NRXN1: variants seen among roughly 807,000 people sequenced by gnomAD.
NRXN1 encodes the protein neurexin 1.
Under a neutral mutation model 150.9 loss-of-function variants are expected in NRXN1, and 39 were observed. That is an observed-to-expected ratio of 0.26 (90% CI 0.20 to 0.34). The LOEUF (loss-of-function observed/expected upper bound fraction) is 0.34. Ranked by LOEUF, NRXN1 falls within the 10% of genes least tolerant of loss-of-function variation. The pLI is 1.00. For missense variants in NRXN1, 1,815 were observed against 1,949.9 expected (o/e 0.93, Z 1.30); for synonymous variants, 924 against 757.0 (o/e 1.22, Z -3.62).
At chr2:50,865,036 A>G (rs1676685166) in intron 5 of NRXN1, among the ~76,000 whole-genome samples, 2 of 151,846 alleles carry the variant, frequency 1.3e-5, no homozygotes, top group African/African-American at 4.8e-5. Context: ...TTAAGAATGT[A>G]TAAGAGGAAA....
At chr2:50,590,545 G>A (rs1673994929) in intron 8 of NRXN1, among the ~76,000 whole-genome samples, 1 of 152,066 alleles carries the variant, frequency 6.6e-6, no homozygotes, top group Non-Finnish European at 1.5e-5. Flanking sequence ...GACCTAATAT[G>A]TGTGCCCCCT....
At chr2:50,560,812 C>T (rs1274506822) in intron 8 of NRXN1, among the ~76,000 whole-genome samples, 1 of 151,946 alleles carries the variant, frequency 6.6e-6, no homozygotes, top group Non-Finnish European at 1.5e-5. Context: ...ATCTTTTTTT[C>T]CCCTGATCTA....
At position 50,493,190 on chromosome 2, in the gene NRXN1, A is replaced by G. The variant is rs575644366; in HGVS notation, c.3070+2715T>C. On this transcript the variant is annotated intron_variant, in intron 15 of 22. Transcript: ENST00000401669. ...CATTTTTCCTGCAGCTCAGTGCTAC[A>G]TGATTAGTATGCAAAGAAAATACTG... Among the ~76,000 whole-genome samples, 3 of 152,336 alleles carry G rather than the reference A, an allele frequency of 2.0e-5. No homozygotes were observed. In the South Asian group the frequency reaches 6.2e-4, roughly 32 times the overall value.
At chr2:50,972,875 C>A (rs1695235216) in intron 2 of NRXN1, among the ~76,000 whole-genome samples, 1 of 152,136 alleles carries the variant, frequency 6.6e-6, no homozygotes, top group Admixed American at 6.6e-5. Context: ...GACTTACAGG[C>A]AAGACTTGAT....
chr2:49,929,516 T>C (rs914980545), intron 22 of NRXN1, among the ~76,000 whole-genome samples: 4 of 152,144 alleles, frequency 2.6e-5, no homozygotes, highest in Non-Finnish European at 5.9e-5. Flanking sequence ...CCCATGGCCA[T>C]TCATAGTCTG....
chr2:50,815,361 T>C (rs1386038766), intron 5 of NRXN1, among the ~76,000 whole-genome samples: 1 of 152,132 alleles, frequency 6.6e-6, no homozygotes, highest in Non-Finnish European at 1.5e-5. Flanking sequence ...TTTAAACTTA[T>C]TATTTGATCA....
At chr2:50,142,408 G>A (rs867198830) in intron 18 of NRXN1, among the ~76,000 whole-genome samples, 24 of 151,768 alleles carry the variant, frequency 1.6e-4, no homozygotes, top group African/African-American at 5.1e-4. Flanking sequence ...ACAGTAGGGT[G>A]ACTATAGTTA....
chr2:50,223,651 A>G (rs1389398467), intron 18 of NRXN1, among the ~76,000 whole-genome samples: 1 of 151,964 alleles, frequency 6.6e-6, no homozygotes, highest in Non-Finnish European at 1.5e-5. Flanking sequence ...AGTAATGAAC[A>G]GATGACATAC....
chr2:50,073,028 T>C (rs1387628241), intron 19 of NRXN1, among the ~76,000 whole-genome samples: 1 of 152,238 alleles, frequency 6.6e-6, no homozygotes, highest in Non-Finnish European at 1.5e-5. Context: ...ACTTTGTCTA[T>C]GCCTTTGTCT....
At chr2:50,802,244 C>A (rs763090466) in intron 5 of NRXN1, among the ~76,000 whole-genome samples, 3 of 152,036 alleles carry the variant, frequency 2.0e-5, no homozygotes, top group Non-Finnish European at 2.9e-5. Context: ...GCAATCCCAG[C>A]ACTTTGGGAG....
At chr2:50,232,851 C>A (rs1032608738) in intron 18 of NRXN1, among the ~76,000 whole-genome samples, 1 of 151,982 alleles carries the variant, frequency 6.6e-6, no homozygotes, top group Non-Finnish European at 1.5e-5. Flanking sequence ...AAACATTCAT[C>A]CAACTAAAAT....
intron 5 of NRXN1, among the ~76,000 whole-genome samples, chr2:50,637,228 C>G (rs1221812493): frequency 6.6e-6 from 1 of 152,054 alleles, no homozygotes; most frequent in Admixed American, 6.6e-5. Flanking sequence ...TAATTATATA[C>G]TGGGTCTTCC....
At chr2:50,499,737 C>T (rs1184866730) in intron 13 of NRXN1, among the ~76,000 whole-genome samples, 1 of 151,936 alleles carries the variant, frequency 6.6e-6, no homozygotes, top group Admixed American at 6.6e-5. Context: ...CACCTGAGGT[C>T]AGGAGTTTGA....
At chr2:50,419,024 T>C (rs928501433) in intron 17 of NRXN1, among the ~76,000 whole-genome samples, 1 of 152,058 alleles carries the variant, frequency 6.6e-6, no homozygotes, top group East Asian at 1.9e-4. Context: ...ATCAATTCCA[T>C]AAGTGAAGAC....
At chr2:50,114,471 A>G (rs890542880) in intron 18 of NRXN1, among the ~76,000 whole-genome samples, 4 of 152,020 alleles carry the variant, frequency 2.6e-5, no homozygotes, top group Admixed American at 2.6e-4. Flanking sequence ...AATCAAACAT[A>G]CTCTTACTAC....
chr2:50,487,132 A>C (rs1282144533), intron 15 of NRXN1, among the ~76,000 whole-genome samples: 1 of 152,180 alleles, frequency 6.6e-6, no homozygotes, highest in Non-Finnish European at 1.5e-5. Flanking sequence ...CACAAAAATT[A>C]AAGAGAAAAT....
chr2:50,924,447 C>A (rs1246293870), intron 3 of NRXN1, among the ~76,000 whole-genome samples: 2 of 151,578 alleles, frequency 1.3e-5, no homozygotes, highest in Non-Finnish European at 3.0e-5. Flanking sequence ...GATTTTAAAG[C>A]CTCTTGGGAT....
At chr2:50,263,509 T>G (rs1167919525) in intron 17 of NRXN1, among the ~76,000 whole-genome samples, 1 of 152,084 alleles carries the variant, frequency 6.6e-6, no homozygotes, top group Non-Finnish European at 1.5e-5. Context: ...TTGGGATCAT[T>G]CATATGTTAT....
At chr2:50,058,127 A>G (rs1227002174) in intron 19 of NRXN1, among the ~76,000 whole-genome samples, 1 of 152,214 alleles carries the variant, frequency 6.6e-6, no homozygotes, top group African/African-American at 2.4e-5. Context: ...CTAATAAAAT[A>G]ATTGTGTGAT....
Sources: allele counts gnomAD v4.1 joint callset (sites outside exome capture counted in the v4.1 genomes callset), GRCh38; gene constraint gnomAD v4.1.1; transcripts MANE v1.5; gene names NCBI Gene and HGNC (gene_info 2026-07-23, HGNC 2026-07-21).